GKAP1: variants seen among roughly 807,000 people sequenced by gnomAD.
GKAP1 encodes G kinase-anchoring protein 1.
GKAP1 carries 31 observed loss-of-function variants against 56.7 expected under a neutral mutation model. The ratio of observed to expected loss-of-function variants is 0.55; its 90% CI spans 0.41 to 0.74. The LOEUF is 0.74. Ranked by LOEUF, GKAP1 falls within the 30% of genes least tolerant of loss-of-function variation. GKAP1 has a pLI of 0.00. For synonymous variants in GKAP1, 151 were observed against 138.6 expected (o/e 1.09, Z -0.63); for missense variants, 364 against 402.3 (o/e 0.90, Z 0.82).
chr9:83,786,959 T>C (rs948325186), intron 5 of GKAP1, among the ~76,000 whole-genome samples: 7 of 152,238 alleles, frequency 4.6e-5, no homozygotes, highest in Admixed American at 1.3e-4. Flanking sequence ...TGATAAATTT[T>C]ATCTCCTAAT....
At position 83,748,333 on chromosome 9, in the gene GKAP1, A is replaced by G; in HGVS notation, c.880T>C (p.Leu294=). ...CTTTCACCTTCCTGAAGCATTTTCA[A>G]TAATTGTGCATTTCTTGCCTTTACT... ...KEVKARNAQL[L]KMLQEGEMKD... The change falls in exon 10 of 13, where the codon TTG becomes CTG. Residue 294 remains leucine, a synonymous_variant. Transcript: ENST00000376371. 6.3e-7 allele frequency: 1 copy of G among 1,599,442 alleles called. No individual in the cohort carries two copies. The highest frequency in any genetic ancestry group is 8.5e-7 in the Non-Finnish European group (1 of 1,171,278).
intron 3 of GKAP1, 147 bp from the exon 4 acceptor site, chr9:83,799,475 T>C (rs1944297860): frequency 6.7e-6 from 4 of 594,578 alleles, no homozygotes; most frequent in Non-Finnish European, 1.1e-5. Flanking sequence ...AGTTATTATT[T>C]GTGTTTTCTA....
At chr9:83,799,352 T>C (rs1220924272) in intron 3 of GKAP1, 24 bp from the exon 4 acceptor site, 2 of 1,511,928 alleles carry the variant, frequency 1.3e-6, no homozygotes, top group Non-Finnish European at 1.8e-6. Flanking sequence ...AAAAAATATA[T>C]TAAATTCAGT....
intron 8 of GKAP1, among the ~76,000 whole-genome samples, chr9:83,763,923 G>A (rs915011722): frequency 3.3e-5 from 5 of 152,004 alleles, no homozygotes; most frequent in African/African-American, 1.2e-4. Flanking sequence ...AAATCATACT[G>A]CTACTTAATT....
intron 8 of GKAP1, among the ~76,000 whole-genome samples, chr9:83,758,950 T>C (rs1190485930): frequency 6.6e-6 from 1 of 152,176 alleles, no homozygotes; most frequent in East Asian, 1.9e-4. Flanking sequence ...TTAAACTGCA[T>C]GAATCCTCTT....
At chr9:83,789,447 T>A (rs973176137) in intron 4 of GKAP1, among the ~76,000 whole-genome samples, 2 of 152,190 alleles carry the variant, frequency 1.3e-5, no homozygotes, top group African/African-American at 4.8e-5. Flanking sequence ...GTATATAAGA[T>A]AGCTGCAACA....
At position 83,768,860 on chromosome 9, in the gene GKAP1, T is replaced by C. The variant is rs1448437954; in HGVS notation, c.696A>G (p.Glu232=). 6.2e-7 allele frequency: 1 copy of C among 1,612,654 alleles called. No homozygotes were observed. Among genetic ancestry groups the C allele is most frequent in the African/African-American group, 1.3e-5 (1 of 74,914 alleles). Residue 232 remains glutamate, a synonymous_variant, in exon 8 of 13, where the codon GAA becomes GAG. Transcript: ENST00000376371. ...IREKRREQLT[E]YNGTDNCTAH... ...CTGTACAATTATCTGTTCCATTATATTCTGTAAGCTGTTCTCTTCGTTTTT... is the reference window on the plus strand; with the variant it reads ...CTGTACAATTATCTGTTCCATTATACTCTGTAAGCTGTTCTCTTCGTTTTT...
At chr9:83,805,437 T>G (rs1490095549) in intron 3 of GKAP1, among the ~76,000 whole-genome samples, 1 of 148,818 alleles carries the variant, frequency 6.7e-6, no homozygotes, top group African/African-American at 2.5e-5. Context: ...AATCCCCCTC[T>G]GCGAGAAACA....
At chr9:83,750,283 T>A (rs1486972630) in intron 9 of GKAP1, among the ~76,000 whole-genome samples, 1 of 152,142 alleles carries the variant, frequency 6.6e-6, no homozygotes, top group Non-Finnish European at 1.5e-5. Flanking sequence ...TACATAACAT[T>A]CTTGCTAGCA....
intron 9 of GKAP1, chr9:83,748,646 T>C (rs1943334810): frequency 4.8e-6 from 1 of 208,704 alleles, no homozygotes; most frequent in Non-Finnish European, 9.5e-6. Flanking sequence ...TTTTCCTAAA[T>C]AATCTTCTTT....
intron 8 of GKAP1, among the ~76,000 whole-genome samples, chr9:83,768,549 C>T (rs919788197): frequency 6.6e-6 from 1 of 152,192 alleles, no homozygotes; most frequent in Non-Finnish European, 1.5e-5. Context: ...TATCCATCTT[C>T]GTGTTTCCAC....
chr9:83,746,750 T>C (rs1205071610), intron 10 of GKAP1, among the ~76,000 whole-genome samples: 1 of 152,118 alleles, frequency 6.6e-6, no homozygotes, highest in Non-Finnish European at 1.5e-5. Context: ...AGATTACCTA[T>C]AATACCTAAT....
intron 7 of GKAP1, among the ~76,000 whole-genome samples, chr9:83,776,233 CACAT>C (rs1187516827): frequency 3.9e-5 from 6 of 151,982 alleles, no homozygotes; most frequent in Non-Finnish European, 5.9e-5. Context: ...ACAAATGTAA[CACAT>C]ACAAACAAGG....
intron 8 of GKAP1, among the ~76,000 whole-genome samples, chr9:83,755,186 T>C (rs532925720): frequency 6.6e-6 from 1 of 152,180 alleles, no homozygotes; most frequent in African/African-American, 2.4e-5. Context: ...GAAGTATCTA[T>C]GAAAAGTGTT....
intron 3 of GKAP1, among the ~76,000 whole-genome samples, chr9:83,805,094 A>G (rs1194215856): frequency 6.6e-6 from 1 of 152,132 alleles, no homozygotes; most frequent in Admixed American, 6.5e-5. Flanking sequence ...AGAAGTAGAC[A>G]TGGGAGACTT....
chr9:83,750,774 G>C (rs753898355), intron 9 of GKAP1, among the ~76,000 whole-genome samples: 27 of 151,998 alleles, frequency 1.8e-4, no homozygotes, highest in Non-Finnish European at 3.5e-4. Context: ...CTTGTAACGT[G>C]CCAGCTACTT....
rs201134019 is a variant in GKAP1 at position 83,805,329 on chromosome 9, C to T, written c.216+973G>A. ...CAAGTACCCAGGGACACAAACACTGCGGAAGGCCGCAGGGTCCTCTGCCTA... is the reference window on the plus strand; with the variant it reads ...CAAGTACCCAGGGACACAAACACTGTGGAAGGCCGCAGGGTCCTCTGCCTA... On this transcript the variant is annotated intron_variant, in intron 3 of 12. Transcript: ENST00000376371. Among the ~76,000 whole-genome samples, 116 of 152,060 alleles carry T rather than the reference C, an allele frequency of 7.6e-4. 7 individuals are homozygous for T. The highest frequency in any genetic ancestry group is 2.9e-5 in the Non-Finnish European group (2 of 67,952).
At chr9:83,743,156 C>CT (rs1388567935) in intron 10 of GKAP1, among the ~76,000 whole-genome samples, 5 of 152,044 alleles carry the variant, frequency 3.3e-5, no homozygotes, top group Admixed American at 3.3e-4. Context: ...GAGAGAGACT[C>CT]TGTCAATAAA....
At chr9:83,744,004 A>G (rs1943249545) in intron 10 of GKAP1, among the ~76,000 whole-genome samples, 1 of 152,202 alleles carries the variant, frequency 6.6e-6, no homozygotes, top group Non-Finnish European at 1.5e-5. Context: ...GACTACTGAT[A>G]TCACCACAGC....
Sources: allele counts gnomAD v4.1 joint callset (sites outside exome capture counted in the v4.1 genomes callset), GRCh38; gene constraint gnomAD v4.1.1; transcripts MANE v1.5; gene names NCBI Gene and HGNC (gene_info 2026-07-23, HGNC 2026-07-21).